Variants in SLF1 observed in about 807,000 individuals in gnomAD.
The protein encoded by SLF1 is SMC5/6 complex localization factor 1.
Under a neutral mutation model 123.0 loss-of-function variants are expected in SLF1, and 105 were observed. That is an observed-to-expected ratio of 0.85 (90% CI 0.73 to 1.00). The LOEUF (loss-of-function observed/expected upper bound fraction) is 1.00. Among genes scored for constraint, SLF1 ranks in the 50% least tolerant of loss-of-function variants. The pLI, the probability that SLF1 is intolerant of heterozygous loss-of-function variation, is 0.00. For missense variants in SLF1, 1,239 were observed against 1,223.0 expected, an observed-to-expected ratio of 1.01 and a Z score of -0.20; for synonymous variants, 434 against 406.6, an observed-to-expected ratio of 1.07 and a Z score of -0.81.
At chr5:94,677,618 A>G (rs1183914586) in intron 14 of SLF1, among the ~76,000 whole-genome samples, 2 of 152,164 alleles carry the variant, frequency 1.3e-5, no homozygotes, top group Non-Finnish European at 2.9e-5. Flanking sequence ...CTTTTACCCA[A>G]CTATTAATTT....
intron 6 of SLF1, among the ~76,000 whole-genome samples, chr5:94,650,169 A>C (rs1263748419): frequency 6.6e-6 from 1 of 152,174 alleles, no homozygotes; most frequent in Non-Finnish European, 1.5e-5. Flanking sequence ...AGAAGAGCTA[A>C]TGTTCAGTTA....
intron 9 of SLF1, among the ~76,000 whole-genome samples, chr5:94,656,218 C>T (rs934199042): frequency 9.9e-5 from 15 of 151,206 alleles, no homozygotes; most frequent in Admixed American, 6.6e-5. Flanking sequence ...AGTTTTTGTC[C>T]TTCATTTTGT....
rs145737894 is a variant in SLF1, at chr5:94,690,384, A to G, written c.2419+778A>G. Among the ~76,000 whole-genome samples the G allele has an allele frequency of 3.2e-3, 484 of 152,324 alleles. 10 individuals carry two copies. Among genetic ancestry groups the G allele is most frequent in the Non-Finnish European group, 8.8e-4 (60 of 68,032 alleles). ...ATAAGTTCATAATTGCATATTACAG[A>G]TTCAAAATAACTGTCCATTTGACTT... On this transcript the variant is annotated intron_variant, in intron 18 of 20. Transcript: ENST00000265140.
intron 9 of SLF1, among the ~76,000 whole-genome samples, chr5:94,655,954 T>G (rs1184522617): frequency 6.6e-6 from 1 of 152,112 alleles, no homozygotes; most frequent in East Asian, 1.9e-4. Context: ...CCTTGCCTGA[T>G]TGCTCTGGTG....
intron 9 of SLF1, among the ~76,000 whole-genome samples, chr5:94,661,591 G>A (rs998234950): frequency 1.3e-5 from 2 of 151,248 alleles, no homozygotes; most frequent in African/African-American, 4.9e-5. Flanking sequence ...CTGGAGTGCA[G>A]TGGTGCAATC....
chr5:94,673,899 T>C lies in SLF1; in HGVS notation c.1827+2891T>C, dbSNP rs1006998328. 2.6e-5 allele frequency among the ~76,000 whole-genome samples: 4 copies of C among 152,058 alleles called. No individual in the cohort carries two copies. The South Asian group carries it at 8.3e-4, about 32-fold the overall frequency. The stretch of plus-strand genomic sequence containing the variant: ...CTCTGAGTATAGCTAGATTTGTTTG[T>C]GATCAAGTAATCCTATTATTTAACA... On this transcript the variant is annotated intron_variant, in intron 14 of 20. Coordinates refer to ENST00000265140, the MANE Select transcript of SLF1 (RefSeq NM_032290.4).
intron 1 of SLF1, among the ~76,000 whole-genome samples, chr5:94,622,852 A>G (rs940457772): frequency 6.6e-6 from 1 of 152,148 alleles, no homozygotes; most frequent in Non-Finnish European, 1.5e-5. Flanking sequence ...CCAGCCCTAT[A>G]TAATGTAGAG....
chr5:94,656,278 G>A (rs1223950496), intron 9 of SLF1, among the ~76,000 whole-genome samples: 1 of 151,554 alleles, frequency 6.6e-6, no homozygotes, highest in Non-Finnish European at 1.5e-5. Context: ...TGCATCCTTG[G>A]GATAAATCAT....
rs936594298 is a variant in SLF1 at position 94,618,707 on chromosome 5, C to T, written c.-59C>T. 1 of 154,850 alleles carries T rather than the reference C, an allele frequency of 6.5e-6. No homozygotes were observed. Among genetic ancestry groups the T allele is most frequent in the Non-Finnish European group, 1.5e-5 (1 of 68,292 alleles). The allele number at this position is 154,850 out of a possible 1,614,324, so 9.6% of individuals were successfully genotyped here. On this transcript the variant is annotated 5_prime_UTR_variant, in exon 1 of 21. Coordinates refer to ENST00000265140, the MANE Select transcript of SLF1 (RefSeq NM_032290.4). ...TTCGTGAAGCAGTTGAGTGCTGCAG[C>T]GGCAGTCGTCGCCCCTGCCGCCGCT...
intron 4 of SLF1, among the ~76,000 whole-genome samples, chr5:94,639,771 TC>T (rs1746239023): frequency 6.6e-6 from 1 of 152,212 alleles, no homozygotes; most frequent in Non-Finnish European, 1.5e-5. Context: ...AACGTCTTCA[TC>T]CTTGTTGCCT....
intron 4 of SLF1, among the ~76,000 whole-genome samples, chr5:94,632,801 C>T (rs900862693): frequency 4.0e-5 from 6 of 151,760 alleles, no homozygotes; most frequent in African/African-American, 7.3e-5. Context: ...CCCGGGTTCA[C>T]GCCATTCTTC....
At chr5:94,689,307 T>A (rs1444670921) in intron 17 of SLF1, among the ~76,000 whole-genome samples, 166 bp from the exon 18 acceptor site, 1 of 152,156 alleles carries the variant, frequency 6.6e-6, no homozygotes, top group Non-Finnish European at 1.5e-5. Flanking sequence ...CTGAAGTTTG[T>A]TTCTACACAG....
chr5:94,670,241 T>C lies in SLF1; in HGVS notation c.1623T>C (p.Phe541=), dbSNP rs2152489945. 1.3e-6 allele frequency: 2 copies of C among 1,514,898 alleles called. No individual in the cohort carries two copies. The highest frequency in any genetic ancestry group is 1.8e-6 in the Non-Finnish European group (2 of 1,134,104). The allele number at this position is 1,514,898 out of a possible 1,614,324, so 93.8% of individuals were successfully genotyped here. ...VLHLTLLKFF[F]NLIESEVQHL... ...ACCTGACGCTACTCAAATTTTTCTT[T>C]AATTTAATTGAAAGTGAAGTACAAC... The change falls in exon 13 of 21, where the codon TTT becomes TTC. Residue 541 remains phenylalanine, a synonymous_variant. Transcript: ENST00000265140.
chr5:94,625,322 G>A (rs902055710), intron 1 of SLF1, among the ~76,000 whole-genome samples: 1 of 151,914 alleles, frequency 6.6e-6, no homozygotes, highest in African/African-American at 2.4e-5. Flanking sequence ...CAGATATATT[G>A]GATTTCACTT....
intron 14 of SLF1, among the ~76,000 whole-genome samples, 158 bp downstream of exon 14, chr5:94,671,166 G>T (rs1585196884): frequency 6.6e-6 from 1 of 151,652 alleles, no homozygotes; most frequent in Admixed American, 6.6e-5. Flanking sequence ...AAGGTAAAAG[G>T]TCCTTGGAGA....
chr5:94,651,852 C>T lies in SLF1; in HGVS notation c.882+7C>T. ...CCATACATATGAAAATCAGGTACAA[C>T]TTTCCAAATTAAAAATAATTTATTT... On this transcript the variant is annotated splice_region_variant and intron_variant, in intron 7 of 20. Transcript: ENST00000265140. The T allele has an allele frequency of 1.5e-6, 2 of 1,337,354 alleles. No individual in the cohort carries two copies. 82.8% of individuals were successfully genotyped at this position (1,337,354 alleles called of 1,614,324 possible).
intron 15 of SLF1, among the ~76,000 whole-genome samples, chr5:94,681,672 A>G (rs1450361652): frequency 1.2e-5 from 1 of 86,320 alleles, no homozygotes; most frequent in Non-Finnish European, 2.2e-5. Context: ...AACAGTCCCC[A>G]GAGTGTGATG....
chr5:94,683,918 T>A (rs1473861531), intron 15 of SLF1, among the ~76,000 whole-genome samples: 3 of 152,226 alleles, frequency 2.0e-5, no homozygotes, highest in African/African-American at 7.2e-5. Context: ...CTATATACTG[T>A]AAGGACTACA....
chr5:94,622,596 T>C (rs1024366070), intron 1 of SLF1, among the ~76,000 whole-genome samples: 1 of 152,180 alleles, frequency 6.6e-6, no homozygotes, highest in Non-Finnish European at 1.5e-5. Flanking sequence ...CTGAAGGGAT[T>C]AGAGATGATT....
Sources: gnomAD v4.1 joint callset for allele counts (sites outside exome capture counted in the v4.1 genomes callset) on GRCh38, gnomAD v4.1.1 for gene constraint, MANE v1.5 for transcripts, NCBI Gene and HGNC (gene_info 2026-07-23, HGNC 2026-07-21) for gene names.